The following MAGI1 variants were observed in gnomAD, a reference collection of about 807,000 sequenced individuals.
MAGI1 encodes the protein membrane associated guanylate kinase, WW and PDZ domain containing 1, also known as membrane-associated guanylate kinase, WW and PDZ domain-containing protein 1.
A neutral mutation model predicts 139.9 loss-of-function variants in MAGI1; 58 were observed. The observed-to-expected ratio is 0.41, with a 90% CI of 0.34 to 0.52. MAGI1 has a LOEUF of 0.52. Among genes scored for constraint, MAGI1 ranks in the 20% least tolerant of loss-of-function variants. MAGI1 has a pLI of 0.12. For synonymous variants in MAGI1, 812 were observed against 737.9 expected (o/e 1.10, Z -1.63); for missense variants, 1,874 against 1,901.6 (o/e 0.99, Z 0.27).
At chr3:65,562,534 G>A (rs1191973030) in intron 2 of MAGI1, among the ~76,000 whole-genome samples, 1 of 152,050 alleles carries the variant, frequency 6.6e-6, no homozygotes, top group African/African-American at 2.4e-5. Flanking sequence ...TGTTTCCCAG[G>A]CTATAGTACA....
chr3:65,842,786 G>A (rs998638172), intron 1 of MAGI1, among the ~76,000 whole-genome samples: 10 of 152,218 alleles, frequency 6.6e-5, no homozygotes, highest in South Asian at 4.2e-4. Flanking sequence ...CCAACAGGGC[G>A]CTTCTCCTGG....
chr3:65,758,540 A>T (rs1415029416), intron 1 of MAGI1, among the ~76,000 whole-genome samples: 2 of 152,110 alleles, frequency 1.3e-5, no homozygotes, highest in Non-Finnish European at 2.9e-5. Context: ...ATTAATTTCC[A>T]ATATATATTC....
intron 1 of MAGI1, among the ~76,000 whole-genome samples, chr3:65,732,191 GC>G (rs2034260700): frequency 6.6e-6 from 1 of 152,218 alleles, no homozygotes; most frequent in Non-Finnish European, 1.5e-5. Flanking sequence ...AAAAGTTCCT[GC>G]CTCTTTTCAA....
In MAGI1 at chr3:65,439,919, C is replaced by T. The variant is rs552500635; in HGVS notation, c.1230G>A (p.Gln410=). The T allele has an allele frequency of 4.7e-6, 7 of 1,497,634 alleles. No homozygotes were observed. Among genetic ancestry groups the T allele is most frequent in the Non-Finnish European group, 5.5e-6 (6 of 1,083,856 alleles). 92.8% of individuals were successfully genotyped at this position (1,497,634 alleles called of 1,614,324 possible). The change falls in exon 9 of 23, where the codon CAG becomes CAA. Residue 410 remains glutamine, a synonymous_variant. Transcript: ENST00000402939. Reference sequence around the variant, plus strand: ...GCTGCTGCTGCTGCTGCTGCTGTTGCTGCTGCTGTTGCTGCTGCTGCTGCT... The same window carrying T: ...GCTGCTGCTGCTGCTGCTGCTGTTGTTGCTGCTGTTGCTGCTGCTGCTGCT... ...LEQQQQQQQQ[Q]QQQQQQQQQQ... is the part of the protein sequence containing the mutation.
chr3:65,505,626 G>A (rs1172314593), intron 2 of MAGI1, among the ~76,000 whole-genome samples: 8 of 130,734 alleles, frequency 6.1e-5, no homozygotes, highest in South Asian at 2.5e-4. Context: ...CAGCCTGGGC[G>A]ACAAAGTCTA....
At chr3:65,858,467 G>A (rs1446757732) in intron 1 of MAGI1, among the ~76,000 whole-genome samples, 1 of 152,128 alleles carries the variant, frequency 6.6e-6, no homozygotes. Context: ...TGATTGGCTG[G>A]GTAATGCTAT....
At chr3:65,694,176 C>T (rs1346625052) in intron 1 of MAGI1, among the ~76,000 whole-genome samples, 1 of 152,154 alleles carries the variant, frequency 6.6e-6, no homozygotes, top group Non-Finnish European at 1.5e-5. Flanking sequence ...CATTGAGAAT[C>T]AGACTTCCTA....
intron 12 of MAGI1, among the ~76,000 whole-genome samples, chr3:65,405,552 C>T (rs1945261959): frequency 6.6e-6 from 1 of 151,990 alleles, no homozygotes; most frequent in Non-Finnish European, 1.5e-5. Context: ...TTTATAAATA[C>T]ACACATACAT....
chr3:65,589,351 T>G (rs967366698), intron 2 of MAGI1, among the ~76,000 whole-genome samples: 1 of 152,170 alleles, frequency 6.6e-6, no homozygotes, highest in African/African-American at 2.4e-5. Flanking sequence ...ACAGCCCACT[T>G]GCATGCCCCT....
intron 1 of MAGI1, among the ~76,000 whole-genome samples, chr3:65,866,444 C>G (rs1373338173): frequency 6.6e-6 from 1 of 151,660 alleles, no homozygotes; most frequent in African/African-American, 2.4e-5. Flanking sequence ...AAAAGAAAAT[C>G]CTAGGCTGGG....
At chr3:66,002,462 T>C (rs537520592) in intron 1 of MAGI1, among the ~76,000 whole-genome samples, 25 of 152,164 alleles carry the variant, frequency 1.6e-4, no homozygotes, top group Non-Finnish European at 3.2e-4. Flanking sequence ...CTGTCTTTTC[T>C]GAAATGACTT....
chr3:65,870,716 GA>G lies in MAGI1; in HGVS notation c.313+167279del, dbSNP rs112844485. ...CATAGTGGGATTTTACCATTTTAGTGAAAAAAAAAAAAAAGAAAGAATGAAA... is the reference window on the plus strand; with the variant it reads ...CATAGTGGGATTTTACCATTTTAGTGAAAAAAAAAAAAAGAAAGAATGAAA... On this transcript the variant is annotated intron_variant, in intron 1 of 22. Transcript: ENST00000402939. Among the ~76,000 whole-genome samples the G allele has an allele frequency of 7.9e-3, 979 of 124,696 alleles. 4 individuals are homozygous for G. Among genetic ancestry groups the G allele is most frequent in the Admixed American group, 0.023 (282 of 12,160 alleles). 81.8% of individuals were successfully genotyped at this position (124,696 alleles called of 152,430 possible).
In MAGI1 at chr3:66,021,450, T is replaced by C. The variant is rs77492384; in HGVS notation, c.313+16546A>G. On this transcript the variant is annotated intron_variant, in intron 1 of 22. Transcript: ENST00000402939. ...CCTAGCATTTGCCCCCTAGAAGAAC[T>C]TGCAGCTCAAATAACTCAATTTGTC... is the stretch of plus-strand genomic sequence containing the variant. Among the ~76,000 whole-genome samples the C allele has an allele frequency of 5.8e-4, 89 of 152,310 alleles. 1 individual carries two copies. The East Asian group carries it at 0.016, about 28-fold the overall frequency.
chr3:65,947,633 C>T (rs1466640906), intron 1 of MAGI1, among the ~76,000 whole-genome samples: 1 of 152,040 alleles, frequency 6.6e-6, no homozygotes. Flanking sequence ...GTTTGTTTTT[C>T]TGAGACGGGG....
chr3:65,812,699 CTTTTTTTTTTTTT>C (rs539502538), intron 1 of MAGI1, among the ~76,000 whole-genome samples: 3 of 72,890 alleles, frequency 4.1e-5, no homozygotes, highest in African/African-American at 1.2e-4. Flanking sequence ...AGTTAGTTTA[CTTTTTTTTTTTTT>C]TTTTTTTTTT....
chr3:65,705,635 A>G (rs944100930), intron 1 of MAGI1, among the ~76,000 whole-genome samples: 11 of 152,242 alleles, frequency 7.2e-5, no homozygotes, highest in African/African-American at 2.7e-4. Context: ...ATAATTCTCA[A>G]AAGCTAAGTC....
chr3:65,885,779 C>T (rs958225329), intron 1 of MAGI1, among the ~76,000 whole-genome samples: 12 of 152,192 alleles, frequency 7.9e-5, no homozygotes, highest in Non-Finnish European at 1.6e-4. Context: ...GTCCATTAAA[C>T]CTTTTTCCTT....
At chr3:65,663,413 C>T (rs1283358572) in intron 1 of MAGI1, among the ~76,000 whole-genome samples, 2 of 152,158 alleles carry the variant, frequency 1.3e-5, no homozygotes, top group African/African-American at 2.4e-5. Flanking sequence ...ACACTTTGGG[C>T]ACTGCTTATA....
At chr3:65,508,643 G>C (rs1246299189) in intron 2 of MAGI1, among the ~76,000 whole-genome samples, 1 of 152,064 alleles carries the variant, frequency 6.6e-6, no homozygotes, top group Non-Finnish European at 1.5e-5. Flanking sequence ...TTATGCCTTT[G>C]TCATCTATTC....
Sources: allele counts gnomAD v4.1 joint callset (sites outside exome capture counted in the v4.1 genomes callset), GRCh38; gene constraint gnomAD v4.1.1; transcripts MANE v1.5; gene names NCBI Gene and HGNC (gene_info 2026-07-23, HGNC 2026-07-21).